CNTLN: variants seen among roughly 807,000 people sequenced by gnomAD.
CNTLN encodes centlein, centrosomal protein.
A neutral mutation model predicts 180.0 loss-of-function variants in CNTLN; 212 were observed. The observed-to-expected ratio is 1.18, with a 90% CI of 1.05 to 1.32. The LOEUF is 1.32. CNTLN is among the 40% of genes most tolerant of loss of function. The probability of loss-of-function intolerance (pLI) is 0.00; values close to 1 mark genes in which losing one functional copy is unlikely to be tolerated. For synonymous variants in CNTLN, 722 were observed against 563.1 expected, an observed-to-expected ratio of 1.28 and a Z score of -3.99; for missense variants, 2,095 against 1,610.9, an observed-to-expected ratio of 1.30 and a Z score of -5.14.
chr9:17,350,117 A>AACCT (rs1246843091), intron 12 of CNTLN, among the ~76,000 whole-genome samples: 5 of 152,226 alleles, frequency 3.3e-5, no homozygotes, highest in Non-Finnish European at 7.3e-5. Flanking sequence ...AGTATTAGTA[A>AACCT]AAAAAGTTTG....
At chr9:17,355,818 A>C (rs1023043264) in intron 12 of CNTLN, among the ~76,000 whole-genome samples, 155 of 152,302 alleles carry the variant, frequency 1.0e-3, no homozygotes, top group African/African-American at 3.5e-3. Context: ...TAATCCCAGC[A>C]CTTTGGGAGG....
chr9:17,480,137 G>A (rs1176634188), intron 23 of CNTLN, among the ~76,000 whole-genome samples: 1 of 152,060 alleles, frequency 6.6e-6, no homozygotes, highest in Non-Finnish European at 1.5e-5. Context: ...GCTATAGTGA[G>A]CTATGATTAC....
chr9:17,272,038 T>TC (rs1563944660), intron 5 of CNTLN, among the ~76,000 whole-genome samples: 47 of 145,638 alleles, frequency 3.2e-4, no homozygotes, highest in Middle Eastern at 3.5e-3. Context: ...TTCCTTCCTT[T>TC]TTTCCTTCCT....
chr9:17,430,420 T>C (rs1420666738), intron 18 of CNTLN, among the ~76,000 whole-genome samples: 2 of 152,112 alleles, frequency 1.3e-5, no homozygotes, highest in African/African-American at 4.8e-5. Context: ...TTTAAAATTA[T>C]TGATACATAA....
At chr9:17,155,637 A>G (rs911673900) in intron 2 of CNTLN, among the ~76,000 whole-genome samples, 1 of 152,046 alleles carries the variant, frequency 6.6e-6, no homozygotes, top group Non-Finnish European at 1.5e-5. Flanking sequence ...TCCCAGGTGG[A>G]TCTCAGATTG....
chr9:17,459,899 G>T (rs1363025148), intron 19 of CNTLN, among the ~76,000 whole-genome samples: 1 of 151,650 alleles, frequency 6.6e-6, no homozygotes, highest in African/African-American at 2.4e-5. Flanking sequence ...AGTACTGAGG[G>T]TTCGGTGAGA....
chr9:17,241,746 A>G (rs539677919), intron 5 of CNTLN, among the ~76,000 whole-genome samples: 1 of 151,764 alleles, frequency 6.6e-6, no homozygotes, highest in South Asian at 2.1e-4. Flanking sequence ...AATGTTTTAT[A>G]GTTTTTATTG....
intron 2 of CNTLN, among the ~76,000 whole-genome samples, chr9:17,179,243 CAA>C (rs775986829): frequency 8.0e-5 from 5 of 62,226 alleles, no homozygotes; most frequent in Admixed American, 1.6e-4. Flanking sequence ...GACTCCGTCT[CAA>C]AAAAAAAAAA....
intron 2 of CNTLN, among the ~76,000 whole-genome samples, chr9:17,153,067 G>C (rs939555132): frequency 6.6e-6 from 1 of 152,088 alleles, no homozygotes; most frequent in African/African-American, 2.4e-5. Flanking sequence ...ACATGAGATG[G>C]TTCTCCTGAA....
At chr9:17,152,895 C>T (rs1563827129) in intron 2 of CNTLN, among the ~76,000 whole-genome samples, 1 of 152,120 alleles carries the variant, frequency 6.6e-6, no homozygotes, top group African/African-American at 2.4e-5. Context: ...TGCATTGATC[C>T]CTTTACCATC....
Position 17,226,253 on chromosome 9 carries a change from A to C in CNTLN, c.500A>C (p.Gln167Pro), listed in dbSNP as rs770208158. 2.4e-5 allele frequency: 38 copies of C among 1,581,144 alleles called. No homozygotes were observed. The Middle Eastern group carries it at 1.4e-3, about 56-fold the overall frequency. Reference protein sequence around the residue: ...AKDRKVLEILQVKDAKIQEFE... With the variant: ...AKDRKVLEILPVKDAKIQEFE... ...GACAGAAAAGTTCTAGAAATTCTGC[A>C]AGTCAAGGATGCCAAAATACAAGAA... The change falls in exon 3 of 26, where the codon CAA becomes CCA. Residue 167 changes from glutamine (Q) to proline (P), a missense_variant. Transcript: ENST00000380647.
chr9:17,474,601 G>A (rs1294223530), intron 23 of CNTLN, among the ~76,000 whole-genome samples: 1 of 152,162 alleles, frequency 6.6e-6, no homozygotes, highest in Non-Finnish European at 1.5e-5. Context: ...AGGCATAGTG[G>A]CTCACGCCTG....
chr9:17,312,417 C>A (rs1352106657), intron 8 of CNTLN, among the ~76,000 whole-genome samples: 1 of 137,044 alleles, frequency 7.3e-6, no homozygotes, highest in East Asian at 2.0e-4. Context: ...TACAGAGTCT[C>A]ACTCTGTCGC....
intron 23 of CNTLN, among the ~76,000 whole-genome samples, chr9:17,473,779 C>T (rs888801925): frequency 6.6e-6 from 1 of 152,066 alleles, no homozygotes; most frequent in Admixed American, 6.5e-5. Context: ...CTTATTACCC[C>T]GCCAAAGTAG....
intron 18 of CNTLN, among the ~76,000 whole-genome samples, chr9:17,427,737 C>T (rs1007436815): frequency 6.6e-6 from 1 of 152,116 alleles, no homozygotes; most frequent in Non-Finnish European, 1.5e-5. Flanking sequence ...TATTATTGCC[C>T]TTAGTTGAAG....
At chr9:17,429,793 C>T (rs147205180) in intron 18 of CNTLN, among the ~76,000 whole-genome samples, 6 of 151,434 alleles carry the variant, frequency 4.0e-5, no homozygotes, top group South Asian at 2.1e-4. Flanking sequence ...ATAAAAATAC[C>T]GACATATTTT....
chr9:17,321,951 A>G (rs1819943638), intron 8 of CNTLN, among the ~76,000 whole-genome samples: 1 of 152,128 alleles, frequency 6.6e-6, no homozygotes, highest in Non-Finnish European at 1.5e-5. Flanking sequence ...TGCCACAAAG[A>G]TAGTACTTTT....
chr9:17,480,545 A>C (rs937757555), intron 23 of CNTLN, among the ~76,000 whole-genome samples: 1 of 152,210 alleles, frequency 6.6e-6, no homozygotes, highest in Non-Finnish European at 1.5e-5. Flanking sequence ...CAATAATTCA[A>C]GTAGAGAAAA....
At chr9:17,253,380 A>G (rs1339243531) in intron 5 of CNTLN, among the ~76,000 whole-genome samples, 2 of 151,682 alleles carry the variant, frequency 1.3e-5, no homozygotes, top group Non-Finnish European at 3.0e-5. Context: ...AACAATATTA[A>G]TTAATCTGAC....
Sources: gnomAD v4.1 joint callset for allele counts (sites outside exome capture counted in the v4.1 genomes callset) on GRCh38, gnomAD v4.1.1 for gene constraint, MANE v1.5 for transcripts, NCBI Gene and HGNC (gene_info 2026-07-23, HGNC 2026-07-21) for gene names.